Variants in EPHA5 observed in about 807,000 individuals in gnomAD.
The protein encoded by EPHA5 is ephrin type-A receptor 5.
A neutral mutation model predicts 105.0 loss-of-function variants in EPHA5; 60 were observed. That is an observed-to-expected ratio of 0.57 (90% confidence interval 0.46 to 0.71). EPHA5 has a LOEUF of 0.71. Ranked by LOEUF, EPHA5 falls within the 30% of genes least tolerant of loss-of-function variation. The pLI is 0.00. For synonymous variants in EPHA5, 513 were observed against 449.1 expected, an observed-to-expected ratio of 1.14 and a Z score of -1.80; for missense variants, 1,218 against 1,274.7, an observed-to-expected ratio of 0.96 and a Z score of 0.68.
At chr4:65,459,824 G>C (rs139604956) in intron 5 of EPHA5, among the ~76,000 whole-genome samples, 204 of 151,552 alleles carry the variant, frequency 1.3e-3, no homozygotes, top group African/African-American at 4.7e-3. Context: ...TTTTATAAAG[G>C]AAATCTAAAA....
At chr4:65,339,635 T>C (rs1056473415) in intron 14 of EPHA5, among the ~76,000 whole-genome samples, 1 of 152,090 alleles carries the variant, frequency 6.6e-6, no homozygotes, top group African/African-American at 2.4e-5. Context: ...ATACATACAT[T>C]TAAGAAAAAG....
intron 7 of EPHA5, among the ~76,000 whole-genome samples, chr4:65,408,805 A>G (rs923016394): frequency 1.3e-5 from 2 of 151,620 alleles, no homozygotes; most frequent in African/African-American, 2.4e-5. Flanking sequence ...ATCTAGAACT[A>G]GAAATACCAT....
At chr4:65,642,811 G>C (rs958661495) in intron 2 of EPHA5, among the ~76,000 whole-genome samples, 3 of 151,894 alleles carry the variant, frequency 2.0e-5, no homozygotes, top group African/African-American at 7.2e-5. Context: ...CAATTTTCTA[G>C]ATGAATTGCA....
chr4:65,443,798 G>A (rs1417856043), intron 5 of EPHA5, among the ~76,000 whole-genome samples: 4 of 152,104 alleles, frequency 2.6e-5, no homozygotes, highest in African/African-American at 9.7e-5. Flanking sequence ...TTGGGCAAAG[G>A]AGAAACATGT....
chr4:65,500,337 G>C (rs1418976818), intron 3 of EPHA5, among the ~76,000 whole-genome samples: 2 of 151,002 alleles, frequency 1.3e-5, no homozygotes, highest in African/African-American at 4.8e-5. Flanking sequence ...ACTCCTGGGG[G>C]AAAGAAAATT....
intron 8 of EPHA5, among the ~76,000 whole-genome samples, chr4:65,367,983 C>T (rs988946827): frequency 6.6e-6 from 1 of 152,020 alleles, no homozygotes; most frequent in Non-Finnish European, 1.5e-5. Context: ...AAACCTTTGT[C>T]TCTCTTCGTT....
chr4:65,444,774 T>TA (rs1357689070), intron 5 of EPHA5, among the ~76,000 whole-genome samples: 3 of 152,106 alleles, frequency 2.0e-5, no homozygotes, highest in Admixed American at 2.0e-4. Flanking sequence ...TTGAAAAATA[T>TA]AAAAAACCTA....
chr4:65,399,570 T>C (rs1415326963), intron 8 of EPHA5, among the ~76,000 whole-genome samples: 1 of 152,254 alleles, frequency 6.6e-6, no homozygotes. Flanking sequence ...ACAGAATTAT[T>C]CTTCCTCTTC....
intron 3 of EPHA5, chr4:65,573,622 G>T: frequency 6.2e-7 from 1 of 1,600,170 alleles, no homozygotes; most frequent in Non-Finnish European, 8.5e-7. Context: ...AGAGGAATTG[G>T]CAGGTATTCC....
intron 15 of EPHA5, among the ~76,000 whole-genome samples, chr4:65,333,759 T>C (rs1413070287): frequency 6.6e-6 from 1 of 151,674 alleles, no homozygotes; most frequent in Non-Finnish European, 1.5e-5. Context: ...TTAAAAATTT[T>C]TGTTTCCAGA....
At chr4:65,503,872 C>A (rs908831304) in intron 3 of EPHA5, among the ~76,000 whole-genome samples, 1 of 149,866 alleles carries the variant, frequency 6.7e-6, no homozygotes, top group African/African-American at 2.4e-5. Flanking sequence ...TTTAAAAAGT[C>A]ATTCAAGACA....
At chr4:65,545,802 C>T (rs764981901) in intron 3 of EPHA5, among the ~76,000 whole-genome samples, 1 of 151,864 alleles carries the variant, frequency 6.6e-6, no homozygotes, top group Non-Finnish European at 1.5e-5. Flanking sequence ...GAAAGAACAA[C>T]TTATAAGGTC....
At chr4:65,499,261 C>T (rs1732251247) in intron 3 of EPHA5, among the ~76,000 whole-genome samples, 2 of 151,540 alleles carry the variant, frequency 1.3e-5, no homozygotes, top group South Asian at 4.2e-4. Context: ...ATGTATCCTT[C>T]TTCATATCAA....
intron 2 of EPHA5, among the ~76,000 whole-genome samples, chr4:65,605,569 G>A (rs947272487): frequency 2.6e-5 from 4 of 152,110 alleles, no homozygotes; most frequent in African/African-American, 9.7e-5. Flanking sequence ...CATGTGAACA[G>A]AGACAATTTT....
chr4:65,593,024 T>C (rs1158885366), intron 3 of EPHA5, among the ~76,000 whole-genome samples: 1 of 152,150 alleles, frequency 6.6e-6, no homozygotes, highest in Non-Finnish European at 1.5e-5. Context: ...ATTTATACAT[T>C]GAACTCATTA....
At chr4:65,344,914 A>G (rs1000451501) in intron 14 of EPHA5, among the ~76,000 whole-genome samples, 5 of 152,326 alleles carry the variant, frequency 3.3e-5, no homozygotes, top group African/African-American at 1.2e-4. Context: ...GGTAGGAGAC[A>G]TTGATTCAAT....
At chr4:65,416,079 A>T (rs1168004471) in intron 6 of EPHA5, among the ~76,000 whole-genome samples, 1 of 152,036 alleles carries the variant, frequency 6.6e-6, no homozygotes, top group Non-Finnish European at 1.5e-5. Context: ...TGCAGTAGTA[A>T]CTCTCAGTAA....
In EPHA5 at chr4:65,595,130, T is replaced by C. The variant is rs190449805; in HGVS notation, c.910+6511A>G. On this transcript the variant is annotated intron_variant, in intron 3 of 16. Transcript: ENST00000613740. ...ACAGTTTTTTTTCCCCTAACTTCTA[T>C]GTTAAATGCCACCATTTCAGAAAAA... Among the ~76,000 whole-genome samples the C allele has an allele frequency of 8.1e-3, 1,220 of 149,718 alleles. 21 individuals carry two copies. The highest frequency in any genetic ancestry group is 0.029 in the African/African-American group (1,158 of 40,360).
intron 3 of EPHA5, among the ~76,000 whole-genome samples, chr4:65,584,446 G>T (rs1741925863): frequency 6.6e-6 from 1 of 151,686 alleles, no homozygotes; most frequent in African/African-American, 2.4e-5. Context: ...GCCCTTTTCG[G>T]ATTTTTTGAG....
Sources: gnomAD v4.1 joint callset for allele counts (sites outside exome capture counted in the v4.1 genomes callset) on GRCh38, gnomAD v4.1.1 for gene constraint, MANE v1.5 for transcripts, NCBI Gene and HGNC (gene_info 2026-07-23, HGNC 2026-07-21) for gene names.